CASR: variants seen among roughly 807,000 people sequenced by gnomAD.
CASR encodes the protein calcium sensing receptor, also known as extracellular calcium-sensing receptor.
Under a neutral mutation model 69.1 loss-of-function variants are expected in CASR, and 23 were observed. The observed-to-expected ratio is 0.33, with a 90% CI of 0.24 to 0.47. The LOEUF is 0.47. Ranked by LOEUF, CASR falls within the 20% of genes least tolerant of loss-of-function variation. The pLI is 1.00. For missense variants in CASR, 924 were observed against 1,356.1 expected (o/e 0.68, Z 5.00); for synonymous variants, 541 against 544.7 (o/e 0.99, Z 0.10).
intron 1 of CASR, among the ~76,000 whole-genome samples, chr3:122,253,024 C>T (rs150867314): frequency 1.3e-5 from 2 of 152,278 alleles, no homozygotes; most frequent in East Asian, 1.9e-4. Flanking sequence ...CTATATCCAG[C>T]TGTTGATCTT....
At chr3:122,223,006 A>AT (rs879674989) in intron 1 of CASR, among the ~76,000 whole-genome samples, 3 of 152,196 alleles carry the variant, frequency 2.0e-5, no homozygotes, top group Non-Finnish European at 2.9e-5. Context: ...ACATCAAAAA[A>AT]TTCTTTGAAA....
intron 1 of CASR, among the ~76,000 whole-genome samples, chr3:122,230,849 C>A (rs528646170): frequency 6.6e-6 from 1 of 152,312 alleles, no homozygotes; most frequent in South Asian, 2.1e-4. Context: ...CTTCTCTGTC[C>A]CCTCCACTAG....
chr3:122,212,458 T>C (rs1247489323), intron 1 of CASR, among the ~76,000 whole-genome samples: 1 of 152,154 alleles, frequency 6.6e-6, no homozygotes, highest in Non-Finnish European at 1.5e-5. Flanking sequence ...CATGCTGGGC[T>C]TAATACCTAG....
intron 1 of CASR, among the ~76,000 whole-genome samples, chr3:122,193,319 C>A (rs2073857105): frequency 6.6e-6 from 1 of 151,962 alleles, no homozygotes. Context: ...TGGGTTCAAG[C>A]AATTCTCCTG....
At chr3:122,187,515 G>T (rs1397450007) in intron 1 of CASR, among the ~76,000 whole-genome samples, 1 of 152,196 alleles carries the variant, frequency 6.6e-6, no homozygotes, top group East Asian at 1.9e-4. Context: ...CTGAGAGGGA[G>T]TCATGCTCAT....
At chr3:122,230,464 G>A (rs2107607834) in intron 1 of CASR, among the ~76,000 whole-genome samples, 1 of 152,324 alleles carries the variant, frequency 6.6e-6, no homozygotes, top group South Asian at 2.1e-4. Context: ...GCGGGGGCGG[G>A]GATGCTGCTG....
In CASR at chr3:122,275,979, C is replaced by G. The variant is rs1158039366; in HGVS notation, c.1545C>G (p.Ala515=). ...AAGTCGGGTATTACAACGTCTATGC[C>G]AAGAAGGGAGAAAGACTCTTCATCA... ...FKEVGYYNVY[A]KKGERLFINE... is the part of the protein sequence containing the mutation. Residue 515 remains alanine (A), a synonymous_variant, in exon 5 of 7, where the codon GCC becomes GCG. Transcript: ENST00000639785. 4 of 1,613,828 alleles carry G rather than the reference C, an allele frequency of 2.5e-6. No homozygotes were observed. In the African/African-American group the frequency reaches 4.0e-5, roughly 16 times the overall value.
chr3:122,284,055 C>T lies in CASR; in HGVS notation c.2101C>T (p.Arg701Cys), dbSNP rs757302986. The change falls in exon 7 of 7, where the codon CGT becomes TGT. Residue 701 changes from arginine to cysteine, a missense_variant. Physicochemically the swap from Arg to Cys is radical, Grantham distance 180. This residue lies in a region of CASR where 184 missense variants were observed against 278.8 expected (regional missense o/e 0.66). Transcript: ENST00000639785. ...CISCILVKTN[R>C]VLLVFEAKIP... is the part of the protein sequence containing the mutation. ...CTCATGCATCCTGGTGAAAACCAACCGTGTCCTCCTGGTGTTTGAGGCCAA... is the reference window on the plus strand; with the variant it reads ...CTCATGCATCCTGGTGAAAACCAACTGTGTCCTCCTGGTGTTTGAGGCCAA... 12 of 1,614,068 alleles carry T rather than the reference C, an allele frequency of 7.4e-6. No homozygotes were observed. The highest frequency in any genetic ancestry group is 1.7e-5 in the Admixed American group (1 of 60,010).
intron 4 of CASR, among the ~76,000 whole-genome samples, chr3:122,269,268 T>C (rs1265867754): frequency 9.9e-5 from 15 of 152,262 alleles, no homozygotes. Flanking sequence ...TAATCTTGTA[T>C]AGATATAGTG....
At chr3:122,263,194 C>T (rs1027753832) in intron 4 of CASR, among the ~76,000 whole-genome samples, 1 of 151,996 alleles carries the variant, frequency 6.6e-6, no homozygotes, top group Non-Finnish European at 1.5e-5. Context: ...TTCCTTAGTT[C>T]CAAACTGACC....
intron 1 of CASR, among the ~76,000 whole-genome samples, chr3:122,215,145 A>G (rs1226858595): frequency 6.6e-6 from 1 of 152,240 alleles, no homozygotes; most frequent in African/African-American, 2.4e-5. Flanking sequence ...TACCATGATT[A>G]CGGCCCTCTG....
At position 122,290,252 on chromosome 3, in the gene CASR, T is replaced by G. The variant is rs1365498795; in HGVS notation, c.*5061T>G. Reference sequence around the variant, plus strand: ...ACTCTGTGACTGAAGTTTCAGCACATGGATGGCAAATATTTTCAAGTTTGG... The same window carrying G: ...ACTCTGTGACTGAAGTTTCAGCACAGGGATGGCAAATATTTTCAAGTTTGG... On this transcript the variant is annotated 3_prime_UTR_variant, in exon 7 of 7. Coordinates refer to ENST00000639785, the MANE Select transcript of CASR (RefSeq NM_000388.4). 2 of 152,102 alleles carry G rather than the reference T, an allele frequency of 1.3e-5. No homozygotes were observed. The highest frequency in any genetic ancestry group is 3.8e-4 in the East Asian group (2 of 5,206). The allele number at this position is 152,102 out of a possible 1,614,324, so 9.4% of individuals were successfully genotyped here.
intron 1 of CASR, among the ~76,000 whole-genome samples, chr3:122,244,058 G>A (rs1169090650): frequency 2.6e-5 from 4 of 152,042 alleles, no homozygotes; most frequent in African/African-American, 7.2e-5. Context: ...AGGAAGCAGG[G>A]GTGGTTAATG....
chr3:122,285,421 G>T lies in CASR; in HGVS notation c.*230G>T, dbSNP rs2074958708. 1 of 524,096 alleles carries T rather than the reference G, an allele frequency of 1.9e-6. No homozygotes were observed. Among genetic ancestry groups the T allele is most frequent in the Non-Finnish European group, 3.4e-6 (1 of 290,344 alleles). The allele number at this position is 524,096 out of a possible 1,614,324, so 32.5% of individuals were successfully genotyped here. ...CTGTGGTTGCATTTGTCAAAGCATT[G>T]AGATCTCCACGGTCAGATTTGCTGT... On this transcript the variant is annotated 3_prime_UTR_variant, in exon 7 of 7. Coordinates refer to ENST00000639785, the MANE Select transcript of CASR (RefSeq NM_000388.4).
Position 122,284,393 on chromosome 3 carries a change from C to A in CASR, c.2439C>A (p.Ile813=), listed in dbSNP as rs1228810304. The change falls in exon 7 of 7, where the codon ATC becomes ATA. Residue 813 remains isoleucine, a synonymous_variant. Transcript: ENST00000639785. ...EAKFITFSML[I]FFIVWISFIP... is the part of the protein sequence containing the mutation. ...AGTTCATCACCTTCAGCATGCTCAT[C>A]TTCTTCATCGTCTGGATCTCCTTCA... 1.2e-6 allele frequency: 2 copies of A among 1,614,034 alleles called. No homozygotes were observed. The highest frequency in any genetic ancestry group is 3.3e-5 in the Admixed American group (2 of 60,018).
chr3:122,257,415 T>C, intron 3 of CASR, 28 bp downstream of exon 3: 1 of 1,570,608 alleles, frequency 6.4e-7, no homozygotes, highest in Non-Finnish European at 8.7e-7. Flanking sequence ...GGCGGGGCAC[T>C]GGGAGCAGGA....
At chr3:122,267,169 G>A (rs567274178) in intron 4 of CASR, among the ~76,000 whole-genome samples, 2 of 152,192 alleles carry the variant, frequency 1.3e-5, no homozygotes, top group African/African-American at 4.8e-5. Flanking sequence ...TCCCTGTTAT[G>A]TGAATTAAAG....
intron 1 of CASR, among the ~76,000 whole-genome samples, chr3:122,204,845 A>T (rs1335714640): frequency 6.6e-6 from 1 of 152,112 alleles, no homozygotes; most frequent in Admixed American, 6.6e-5. Flanking sequence ...GTATTTTTTC[A>T]TATACTTGTC....
chr3:122,225,754 C>T (rs116595952), intron 1 of CASR, among the ~76,000 whole-genome samples: 2,145 of 152,216 alleles, frequency 0.014, 67 homozygotes, highest in African/African-American at 0.048. Flanking sequence ...AATCATTCTA[C>T]CAAAAGGACA....
Sources: gnomAD v4.1 joint callset for allele counts (sites outside exome capture counted in the v4.1 genomes callset) on GRCh38, gnomAD v4.1.1 for gene constraint, gnomAD v4.1.1 regional missense constraint, MANE v1.5 for transcripts, NCBI Gene and HGNC (gene_info 2026-07-23, HGNC 2026-07-21) for gene names.